SLC35F1: variants seen among roughly 807,000 people sequenced by gnomAD.
SLC35F1 encodes the protein chromosome 6 open reading frame 169.
SLC35F1 carries 14 observed loss-of-function variants against 48.7 expected under a neutral mutation model. That is an observed-to-expected ratio of 0.29 (90% confidence interval 0.19 to 0.45). The LOEUF (loss-of-function observed/expected upper bound fraction) is 0.45, where lower values mean the gene tolerates loss of function less well. Ranked by LOEUF, SLC35F1 falls within the 20% of genes least tolerant of loss-of-function variation. The pLI is 1.00. For synonymous variants in SLC35F1, 190 were observed against 202.2 expected (o/e 0.94, Z 0.51); for missense variants, 404 against 500.0 (o/e 0.81, Z 1.83).
rs577599381 is a variant in SLC35F1, at chr6:118,196,162, T to G, written c.350-39347T>G. On this transcript the variant is annotated intron_variant, in intron 2 of 7. Transcript: ENST00000360388. ...ATTAGTTACAGGTTGGCATTTGCCT[T>G]ATTTGAACACAGTTTGAACACTCAG... Among the ~76,000 whole-genome samples, 42 of 152,298 alleles carry G rather than the reference T, an allele frequency of 2.8e-4. No homozygotes were observed. The South Asian group carries it at 7.9e-3, about 29-fold the overall frequency.
intron 2 of SLC35F1, among the ~76,000 whole-genome samples, chr6:118,192,615 A>G (rs551545217): frequency 3.3e-4 from 51 of 152,312 alleles, no homozygotes; most frequent in African/African-American, 1.1e-3. Flanking sequence ...ATAACTTAAC[A>G]TAATAACCAT....
At chr6:118,113,695 CT>C (rs1427625727) in intron 1 of SLC35F1, among the ~76,000 whole-genome samples, 4 of 152,172 alleles carry the variant, frequency 2.6e-5, no homozygotes, top group Non-Finnish European at 5.9e-5. Flanking sequence ...TCAATATTAT[CT>C]TTTCTAACTA....
chr6:118,020,455 G>A (rs765127803), intron 1 of SLC35F1, among the ~76,000 whole-genome samples: 34 of 152,308 alleles, frequency 2.2e-4, no homozygotes, highest in African/African-American at 7.9e-4. Context: ...TGTATGCAAA[G>A]TGTTATAGAT....
chr6:118,043,473 T>C (rs2114903832), intron 1 of SLC35F1, among the ~76,000 whole-genome samples: 1 of 152,244 alleles, frequency 6.6e-6, no homozygotes, highest in South Asian at 2.1e-4. Flanking sequence ...TTTCATGGCA[T>C]GTAAATGGTA....
At chr6:118,069,796 A>G (rs905007861) in intron 1 of SLC35F1, among the ~76,000 whole-genome samples, 4 of 152,146 alleles carry the variant, frequency 2.6e-5, no homozygotes, top group African/African-American at 9.7e-5. Flanking sequence ...AAGAACAGAG[A>G]CTCCCAGTAC....
chr6:118,272,435 A>G (rs547187977), intron 4 of SLC35F1, among the ~76,000 whole-genome samples: 1 of 152,312 alleles, frequency 6.6e-6, no homozygotes, highest in East Asian at 1.9e-4. Context: ...TAAATGACAG[A>G]TGTTCTAGCA....
At chr6:118,190,807 T>C (rs1406833642) in intron 2 of SLC35F1, among the ~76,000 whole-genome samples, 2 of 152,308 alleles carry the variant, frequency 1.3e-5, no homozygotes, top group African/African-American at 4.8e-5. Context: ...AAGAATTAGT[T>C]AGTCTACTTG....
chr6:118,244,856 T>C (rs759827214), intron 3 of SLC35F1, among the ~76,000 whole-genome samples: 17 of 152,174 alleles, frequency 1.1e-4, no homozygotes, highest in African/African-American at 2.2e-4. Flanking sequence ...ATGTGATAGA[T>C]GCTAAAAATA....
intron 1 of SLC35F1, among the ~76,000 whole-genome samples, chr6:118,069,344 A>T (rs781365183): frequency 7.2e-5 from 11 of 152,232 alleles, no homozygotes; most frequent in African/African-American, 1.2e-4. Flanking sequence ...CATCTTGGGG[A>T]TAACCAAGGA....
rs911404359 is a variant in SLC35F1, at chr6:117,938,377, C to T, written c.173+30478C>T. Among the ~76,000 whole-genome samples, 4 of 152,344 alleles carry T rather than the reference C, an allele frequency of 2.6e-5. No homozygotes were observed. The East Asian group carries it at 7.7e-4, about 29-fold the overall frequency. ...GATCATATTGACATTAATAACTAAA[C>T]TCACTATTCGAAACCTTGATTTGTT... On this transcript the variant is annotated intron_variant, in intron 1 of 7. Coordinates refer to ENST00000360388, the MANE Select transcript of SLC35F1 (RefSeq NM_001029858.4).
intron 7 of SLC35F1, among the ~76,000 whole-genome samples, chr6:118,295,966 G>A (rs1036235978): frequency 3.9e-5 from 6 of 152,120 alleles, no homozygotes; most frequent in African/African-American, 1.2e-4. Context: ...TTGAGGCTTC[G>A]TCTTGCTGAA....
intron 2 of SLC35F1, among the ~76,000 whole-genome samples, chr6:118,195,926 G>A (rs1340967892): frequency 6.6e-6 from 1 of 152,100 alleles, no homozygotes; most frequent in East Asian, 1.9e-4. Context: ...GCTCTACTTC[G>A]GACCCTGCTT....
chr6:117,915,597 A>G (rs72955845), intron 1 of SLC35F1, among the ~76,000 whole-genome samples: 5,605 of 152,316 alleles, frequency 0.037, 139 homozygotes, highest in Middle Eastern at 0.065. Flanking sequence ...ATGCGTCAAT[A>G]CAAAGGGAAG....
intron 1 of SLC35F1, among the ~76,000 whole-genome samples, chr6:117,950,866 A>G (rs760321569): frequency 6.6e-6 from 1 of 152,232 alleles, no homozygotes; most frequent in South Asian, 2.1e-4. Context: ...TGAGACATCA[A>G]TGTTGATAAA....
intron 4 of SLC35F1, among the ~76,000 whole-genome samples, chr6:118,267,483 C>T (rs572916971): frequency 1.1e-3 from 170 of 152,300 alleles, no homozygotes; most frequent in African/African-American, 4.0e-3. Flanking sequence ...AGCTGCCTGG[C>T]CCAAGCCCTG....
chr6:118,093,845 G>A (rs1333136410), intron 1 of SLC35F1, among the ~76,000 whole-genome samples: 1 of 152,208 alleles, frequency 6.6e-6, no homozygotes, highest in Admixed American at 6.5e-5. Context: ...AACCAAGACA[G>A]TGTGGTGTCC....
At chr6:118,063,372 T>C (rs903694261) in intron 1 of SLC35F1, among the ~76,000 whole-genome samples, 5 of 152,104 alleles carry the variant, frequency 3.3e-5, no homozygotes, top group African/African-American at 4.8e-5. Flanking sequence ...GACTCATCTC[T>C]GTGAATTTCC....
intron 7 of SLC35F1, among the ~76,000 whole-genome samples, chr6:118,301,610 T>C (rs1776255308): frequency 6.6e-6 from 1 of 152,218 alleles, no homozygotes; most frequent in East Asian, 1.9e-4. Flanking sequence ...CATCCCACAT[T>C]AAATTGTGAA....
rs59548308 is a variant in SLC35F1 at position 118,085,487 on chromosome 6, C to CTTTTTTTTTTTTT, written c.174-68942_174-68930dup. Among the ~76,000 whole-genome samples, 40 of 56,956 alleles carry CTTTTTTTTTTTTT rather than the reference C, an allele frequency of 7.0e-4. 6 individuals are homozygous for CTTTTTTTTTTTTT. Among genetic ancestry groups the CTTTTTTTTTTTTT allele is most frequent in the Admixed American group, 1.9e-3 (6 of 3,126 alleles). The allele number at this position is 56,956 out of a possible 152,430, so 37.4% of individuals were successfully genotyped here. On this transcript the variant is annotated intron_variant, in intron 1 of 7. Transcript: ENST00000360388. ...TTTTCTCTTTTTTTTTCTTTCTTTC[C>CTTTTTTTTTTTTT]TTTTTTTTTTTTTTTTTTTTTTTTT...
Sources: gnomAD v4.1 joint callset for allele counts (sites outside exome capture counted in the v4.1 genomes callset) on GRCh38, gnomAD v4.1.1 for gene constraint, MANE v1.5 for transcripts, NCBI Gene and HGNC (gene_info 2026-07-23, HGNC 2026-07-21) for gene names.